STAT4: variants seen among roughly 807,000 people sequenced by gnomAD.
STAT4 encodes the protein signal transducer and activator of transcription 4.
In STAT4, 42 loss-of-function variants were observed where a neutral mutation model predicts 110.5. That is an observed-to-expected ratio of 0.38 (90% CI 0.30 to 0.49). The LOEUF is 0.49. STAT4 is among the 20% of genes least tolerant of loss of function. The pLI is 0.95. For missense variants in STAT4, 632 were observed against 887.9 expected (o/e 0.71, Z 3.66); for synonymous variants, 284 against 302.2 (o/e 0.94, Z 0.63).
At position 191,116,933 on chromosome 2, in the gene STAT4, C is replaced by T. The variant is rs149150735; in HGVS notation, c.273+29680G>A. Among the ~76,000 whole-genome samples the T allele has an allele frequency of 5.9e-5, 9 of 152,280 alleles. No individual in the cohort carries two copies. The highest frequency in any genetic ancestry group is 2.1e-4 in the South Asian group (1 of 4,824). On this transcript the variant is annotated intron_variant, in intron 3 of 23. Coordinates refer to ENST00000392320, the MANE Select transcript of STAT4 (RefSeq NM_003151.4). This position sits in a 1 kb window ranked among gnomAD's most constrained non-coding sequence, Gnocchi z 4.1. ...AAGAAAGCAACTCAAATATCCCTCCCGTTGGAGTGGCAAAGAATAATGAAA... is the reference window on the plus strand; with the variant it reads ...AAGAAAGCAACTCAAATATCCCTCCTGTTGGAGTGGCAAAGAATAATGAAA...
At position 191,144,135 on chromosome 2, in the gene STAT4, G is replaced by A. The variant is rs1699402825; in HGVS notation, c.273+2478C>T. 6.6e-6 allele frequency among the ~76,000 whole-genome samples: 1 copy of A among 151,950 alleles called. No homozygotes were observed. The highest frequency in any genetic ancestry group is 2.1e-4 in the South Asian group (1 of 4,824). ...TAGAACCATATTGAGTACTGAGGGTGAGGGAGGGGGGTCAGAAAAGGAGAT... is the reference window on the plus strand; with the variant it reads ...TAGAACCATATTGAGTACTGAGGGTAAGGGAGGGGGGTCAGAAAAGGAGAT... On this transcript the variant is annotated intron_variant, in intron 3 of 23. Transcript: ENST00000392320. This position sits in a 1 kb window ranked among gnomAD's most constrained non-coding sequence, Gnocchi z 4.7.
chr2:191,120,430 A>C (rs1168428091), intron 3 of STAT4, among the ~76,000 whole-genome samples: 1 of 152,174 alleles, frequency 6.6e-6, no homozygotes, highest in Admixed American at 6.5e-5. Context: ...TAGAAAAATA[A>C]AAAAATTAAC....
chr2:191,134,083 A>G (rs1195297998), intron 3 of STAT4, among the ~76,000 whole-genome samples: 1 of 152,166 alleles, frequency 6.6e-6, no homozygotes, highest in African/African-American at 2.4e-5. Context: ...AACACAGTCT[A>G]CCACCATTCA....
At position 191,033,167 on chromosome 2, in the gene STAT4, G is replaced by A; in HGVS notation, c.1853-18C>T. 6.2e-7 allele frequency: 1 copy of A among 1,610,240 alleles called. No homozygotes were observed. Among genetic ancestry groups the A allele is most frequent in the Non-Finnish European group, 8.5e-7 (1 of 1,178,186 alleles). On this transcript the variant is annotated intron_variant, in intron 20 of 23. Transcript: ENST00000392320. The surrounding 1 kb of genome is among the most constrained non-coding windows in gnomAD (Gnocchi z 6.9). ...CACTTCCCCTTGAAAAACAGAAATT[G>A]GAGAAATATACAGGTTCCTGTACAC...
chr2:191,106,204 G>T (rs180730919), intron 3 of STAT4, among the ~76,000 whole-genome samples: 1 of 152,058 alleles, frequency 6.6e-6, no homozygotes, highest in East Asian at 1.9e-4. Context: ...GAATACAGAC[G>T]TTACAAAAGA....
intron 13 of STAT4, among the ~76,000 whole-genome samples, chr2:191,055,141 A>G (rs1000699935): frequency 6.6e-6 from 1 of 152,154 alleles, no homozygotes; most frequent in Non-Finnish European, 1.5e-5. Context: ...ATAAAAATGA[A>G]GAAGTTAATA....
chr2:191,093,346 C>A (rs1697860906), intron 3 of STAT4, among the ~76,000 whole-genome samples: 1 of 152,146 alleles, frequency 6.6e-6, no homozygotes, highest in African/African-American at 2.4e-5. Context: ...ATGAAGCTTC[C>A]AGAGGAAGGA....
rs1235372398 is a variant in STAT4 at position 191,073,073 on chromosome 2, T to C, written c.465+25A>G. The C allele has an allele frequency of 1.9e-6, 3 of 1,593,808 alleles. No homozygotes were observed. In the African/African-American group the frequency reaches 4.0e-5, roughly 21 times the overall value. On this transcript the variant is annotated intron_variant, in intron 5 of 23. Transcript: ENST00000392320. Reference sequence around the variant, plus strand: ...ATATGGGGACAGTATCTAGACTTTCTAGGTATCTGTATAAAAGCACTTACC... The same window carrying C: ...ATATGGGGACAGTATCTAGACTTTCCAGGTATCTGTATAAAAGCACTTACC...
chr2:191,059,882 T>A lies in STAT4; in HGVS notation c.1035-1113A>T, dbSNP rs1452643363. 6.6e-6 allele frequency among the ~76,000 whole-genome samples: 1 copy of A among 152,050 alleles called. No individual in the cohort carries two copies. ...TAGTCACATAAAATCAGGCCAGATG[T>A]TTTTCCTCTCCACCTTCCTTTTTAT... On this transcript the variant is annotated intron_variant, in intron 10 of 23. Coordinates refer to ENST00000392320, the MANE Select transcript of STAT4 (RefSeq NM_003151.4). The surrounding 1 kb of genome is among the most constrained non-coding windows in gnomAD (Gnocchi z 4.7).
At chr2:191,094,086 A>C (rs1697887833) in intron 3 of STAT4, among the ~76,000 whole-genome samples, 1 of 152,230 alleles carries the variant, frequency 6.6e-6, no homozygotes, top group African/African-American at 2.4e-5. Context: ...ATATGGGACT[A>C]TGTGAAAAGA....
chr2:191,039,274 C>T lies in STAT4; in HGVS notation c.1359G>A (p.Met453Ile). Residue 453 changes from methionine (M) to isoleucine (I), a missense_variant, in exon 16 of 24, where the codon ATG (methionine) becomes ATA (isoleucine). Physicochemically the swap from Met to Ile is conservative, Grantham distance 10. Around this residue, in one of 4 missense-constraint regions of STAT4, gnomAD observed 488 missense variants for 632.8 expected, o/e 0.77. Transcript: ENST00000392320. The surrounding 1 kb of genome is among the most constrained non-coding windows in gnomAD (Gnocchi z 4.7). ...TAGGTAACTGACTGACATTGGAAATCATCACCACAGGCAATGAGCTGGTCT... is the reference window on the plus strand; with the variant it reads ...TAGGTAACTGACTGACATTGGAAATTATCACCACAGGCAATGAGCTGGTCT... ...DLETSSLPVV[M>I]ISNVSQLPNA... 2 of 1,614,196 alleles carry T rather than the reference C, an allele frequency of 1.2e-6. No homozygotes were observed. The highest frequency in any genetic ancestry group is 2.2e-5 in the South Asian group (2 of 91,086).
intron 3 of STAT4, among the ~76,000 whole-genome samples, chr2:191,101,846 C>T (rs1259862955): frequency 6.6e-6 from 1 of 151,984 alleles, no homozygotes; most frequent in African/African-American, 2.4e-5. Flanking sequence ...TATCTAACAA[C>T]CTCATAGTTA....
At position 191,116,644 on chromosome 2, in the gene STAT4, C is replaced by T. The variant is rs117156772; in HGVS notation, c.273+29969G>A. ...TAAAGCAGGACACCACTGAAGGCTGCTTGAAGACTCAGCTCCAGTATAATT... is the reference window on the plus strand; with the variant it reads ...TAAAGCAGGACACCACTGAAGGCTGTTTGAAGACTCAGCTCCAGTATAATT... On this transcript the variant is annotated intron_variant, in intron 3 of 23. Coordinates refer to ENST00000392320, the MANE Select transcript of STAT4 (RefSeq NM_003151.4). The surrounding 1 kb of genome is among the most constrained non-coding windows in gnomAD (Gnocchi z 4.1). Among the ~76,000 whole-genome samples, 1,455 of 152,266 alleles carry T rather than the reference C, an allele frequency of 9.6e-3. 86 individuals are homozygous for T. The highest frequency in any genetic ancestry group is 0.085 in the Admixed American group (1,301 of 15,276).
Position 191,110,718 on chromosome 2 carries a change from C to G in STAT4, c.274-34393G>C, listed in dbSNP as rs938840973. 6.6e-6 allele frequency among the ~76,000 whole-genome samples: 1 copy of G among 152,022 alleles called. No individual in the cohort carries two copies. Among genetic ancestry groups the G allele is most frequent in the Non-Finnish European group, 1.5e-5 (1 of 68,006 alleles). On this transcript the variant is annotated intron_variant, in intron 3 of 23. Transcript: ENST00000392320. The surrounding 1 kb of genome is among the most constrained non-coding windows in gnomAD (Gnocchi z 4.5). The stretch of plus-strand genomic sequence containing the variant: ...ATTTCAGTTGATACAACTGAAGTAC[C>G]GTATCACTGAGTTTCTAAAATTTAT...
At chr2:191,076,028 T>G in intron 4 of STAT4, 199 bp downstream of exon 4, 1 of 499,796 alleles carries the variant, frequency 2.0e-6, no homozygotes, top group Admixed American at 3.2e-5. Flanking sequence ...TTTTAATTTT[T>G]TTTTTTTTGG....
chr2:191,080,640 T>C (rs996975847), intron 3 of STAT4, among the ~76,000 whole-genome samples: 2 of 152,172 alleles, frequency 1.3e-5, no homozygotes, highest in African/African-American at 4.8e-5. Context: ...AATAGTCTAG[T>C]CATACCATCA....
intron 14 of STAT4, among the ~76,000 whole-genome samples, chr2:191,048,258 C>T (rs532315582): frequency 6.6e-6 from 1 of 152,270 alleles, no homozygotes; most frequent in Admixed American, 6.5e-5. Flanking sequence ...ATCTCTGATG[C>T]AATTGTGAGG....
At chr2:191,098,371 C>G (rs1337002616) in intron 3 of STAT4, among the ~76,000 whole-genome samples, 1 of 152,164 alleles carries the variant, frequency 6.6e-6, no homozygotes, top group Non-Finnish European at 1.5e-5. Flanking sequence ...CCCAAATGTC[C>G]ATCAATGATA....
rs115433733 is a variant in STAT4 at position 191,040,119 on chromosome 2, G to C, written c.1336-822C>G. 2.4e-3 allele frequency among the ~76,000 whole-genome samples: 368 copies of C among 152,254 alleles called. 4 individuals carry two copies. The highest frequency in any genetic ancestry group is 7.9e-3 in the African/African-American group (327 of 41,542). ...TACTCCACAATAGGATCATATTCAG[G>C]GTGTGTGAGATTGTGTTTGTTCATT... On this transcript the variant is annotated intron_variant, in intron 15 of 23. Transcript: ENST00000392320.
Sources: allele counts gnomAD v4.1 joint callset (sites outside exome capture counted in the v4.1 genomes callset), GRCh38; gene constraint gnomAD v4.1.1; regional missense constraint gnomAD v4.1.1; non-coding constraint Gnocchi (gnomAD v3.1); transcripts MANE v1.5; gene names NCBI Gene and HGNC (gene_info 2026-07-23, HGNC 2026-07-21).